Variants in WDR20 observed in about 807,000 individuals in gnomAD.
WDR20 encodes the protein WD repeat domain 20.
WDR20 carries 3 observed loss-of-function variants against 38.7 expected under a neutral mutation model. That is an observed-to-expected ratio of 0.08 (90% CI 0.04 to 0.20). WDR20 has a LOEUF of 0.20. Ranked by LOEUF, WDR20 falls within the 10% of genes least tolerant of loss-of-function variation. The pLI, the probability that WDR20 is intolerant of heterozygous loss-of-function variation, is 1.00. For missense variants in WDR20, 559 were observed against 727.7 expected, an observed-to-expected ratio of 0.77 and a Z score of 2.67; for synonymous variants, 298 against 285.6, an observed-to-expected ratio of 1.04 and a Z score of -0.44.
At chr14:102,158,049 A>G (rs2057828126) in intron 1 of WDR20, among the ~76,000 whole-genome samples, 1 of 151,842 alleles carries the variant, frequency 6.6e-6, no homozygotes, top group Admixed American at 6.6e-5. Flanking sequence ...CCTCACTGCC[A>G]CTGTCTCAAG....
intron 1 of WDR20, among the ~76,000 whole-genome samples, chr14:102,180,259 T>C (rs2063110578): frequency 6.6e-6 from 1 of 152,244 alleles, no homozygotes. Flanking sequence ...ACGCTGCCTG[T>C]AGCAGGGTCA....
At chr14:102,205,361 A>G (rs2061342907) in intron 2 of WDR20, among the ~76,000 whole-genome samples, 1 of 152,214 alleles carries the variant, frequency 6.6e-6, no homozygotes, top group African/African-American at 2.4e-5. Context: ...GCGTATTCAT[A>G]TTTGCCTTGT....
At chr14:102,204,192 CT>C (rs1194924797) in intron 2 of WDR20, among the ~76,000 whole-genome samples, 1 of 152,118 alleles carries the variant, frequency 6.6e-6, no homozygotes, top group Admixed American at 6.5e-5. Context: ...GTCTGTTCCC[CT>C]GGCACTGGTT....
At chr14:102,216,311 C>T (rs542702457), downstream of WDR20, among the ~76,000 whole-genome samples, 2 of 152,284 alleles carry the variant, frequency 1.3e-5, no homozygotes, top group South Asian at 4.1e-4. Flanking sequence ...CTGAACAGGG[C>T]GTTTTGGTTT....
At chr14:102,175,049 T>G (rs1367955865) in intron 1 of WDR20, among the ~76,000 whole-genome samples, 3 of 152,178 alleles carry the variant, frequency 2.0e-5, no homozygotes, top group African/African-American at 7.2e-5. Flanking sequence ...TGTGCAGAAG[T>G]TTTTTCATTT....
chr14:102,162,479 A>ATT (rs1247955969), intron 1 of WDR20, among the ~76,000 whole-genome samples: 1 of 152,184 alleles, frequency 6.6e-6, no homozygotes, highest in African/African-American at 2.4e-5. Context: ...CATTATGTTC[A>ATT]TTTTTAAGTT....
rs547744973 is a variant in WDR20, at chr14:102,206,700, T to C, written c.433-1903T>C. ...TAGGCCTGCCTGACAAGGCCAGTGATGGAGCGAGCTGCAGACACCCTTAGG... is the reference window on the plus strand; with the variant it reads ...TAGGCCTGCCTGACAAGGCCAGTGACGGAGCGAGCTGCAGACACCCTTAGG... On this transcript the variant is annotated intron_variant, in intron 2 of 2. Transcript: ENST00000342702. Among the ~76,000 whole-genome samples the C allele has an allele frequency of 3.3e-5, 5 of 152,328 alleles. No homozygotes were observed. The East Asian group carries it at 9.6e-4, about 29-fold the overall frequency.
At chr14:102,163,621 C>CT (rs1459281480) in intron 1 of WDR20, among the ~76,000 whole-genome samples, 1 of 31,920 alleles carries the variant, frequency 3.1e-5, no homozygotes, top group Non-Finnish European at 4.7e-5. Flanking sequence ...GAGCAAGACT[C>CT]TGTCTCAAAA....
At chr14:102,193,668 C>T (rs1188754581) in intron 1 of WDR20, among the ~76,000 whole-genome samples, 1 of 152,190 alleles carries the variant, frequency 6.6e-6, no homozygotes, top group Non-Finnish European at 1.5e-5. Context: ...CTCTTTTCTA[C>T]TCATTACTTA....
At chr14:102,139,724 C>A, upstream of WDR20, 1 of 805,932 alleles carries the variant, frequency 1.2e-6, no homozygotes, top group Non-Finnish European at 1.9e-6. Flanking sequence ...GGGTGGAGCA[C>A]GCCAGGTGAG....
intron 1 of WDR20, among the ~76,000 whole-genome samples, chr14:102,146,833 T>A (rs2053827082): frequency 6.6e-6 from 1 of 152,172 alleles, no homozygotes; most frequent in African/African-American, 2.4e-5. Context: ...CTTTTATAAT[T>A]TAGAAAGAGG....
At chr14:102,177,708 G>C (rs1034640137) in intron 1 of WDR20, among the ~76,000 whole-genome samples, 5 of 152,282 alleles carry the variant, frequency 3.3e-5, no homozygotes, top group Admixed American at 2.6e-4. Context: ...AAGGAAAGGG[G>C]TGGTCTGGAA....
In WDR20 at chr14:102,208,923, A is replaced by G. The variant is rs1425468102; in HGVS notation, c.753A>G (p.Ser251=). 1 of 1,614,224 alleles carries G rather than the reference A, an allele frequency of 6.2e-7. No homozygotes were observed. ...TTCTGCGGGTGTTCAACTTTGACTCAGTGGAGCTGCACGGTACGATGAAAA... is the reference window on the plus strand; with the variant it reads ...TTCTGCGGGTGTTCAACTTTGACTCGGTGGAGCTGCACGGTACGATGAAAA... The part of the protein sequence containing the change: ...DGFLRVFNFD[S]VELHGTMKSY... Residue 251 remains serine (S), a synonymous_variant, in exon 3 of 3, where the codon TCA becomes TCG. Transcript: ENST00000342702. This position sits in a 1 kb window ranked among gnomAD's most constrained non-coding sequence, Gnocchi z 5.6.
downstream of WDR20, among the ~76,000 whole-genome samples, chr14:102,216,755 C>A (rs1231685992): frequency 6.6e-6 from 1 of 152,096 alleles, no homozygotes; most frequent in Non-Finnish European, 1.5e-5. Flanking sequence ...CATGGCAAAC[C>A]CCCATCTGTA....
chr14:102,220,796 A>G lies in WDR20; in HGVS notation c.1693-2034A>G, dbSNP rs1228214344. 6.6e-6 allele frequency among the ~76,000 whole-genome samples: 1 copy of G among 151,888 alleles called. No individual in the cohort carries two copies. Among genetic ancestry groups the G allele is most frequent in the Non-Finnish European group, 1.5e-5 (1 of 67,956 alleles). ...TATCTATCTTTTCATTTTTTGAGACAGGGTCTTGCTCTATCCCCCAGGCTG... is the reference window on the plus strand; with the variant it reads ...TATCTATCTTTTCATTTTTTGAGACGGGGTCTTGCTCTATCCCCCAGGCTG... On this transcript the variant is annotated intron_variant, in intron 3 of 3. Coordinates refer to the WDR20 transcript ENST00000335263. The surrounding 1 kb of genome is among the most constrained non-coding windows in gnomAD (Gnocchi z 4.2).
chr14:102,139,641 G>A, upstream of WDR20: 1 of 643,830 alleles, frequency 1.6e-6, no homozygotes. Context: ...ACTAGCTGAA[G>A]CCGGCATCAC....
At chr14:102,224,716 T>A (rs114366241), downstream of WDR20, 882 of 456,054 alleles carry the variant, frequency 1.9e-3, 7 homozygotes, top group African/African-American at 0.015. Flanking sequence ...TAGTTACAGC[T>A]TGAGTTCTCA....
intron 1 of WDR20, among the ~76,000 whole-genome samples, chr14:102,191,556 C>T (rs2066433694): frequency 6.6e-6 from 1 of 152,204 alleles, no homozygotes; most frequent in African/African-American, 2.4e-5. Context: ...CCTGGCCTTT[C>T]TCTATCTGGG....
chr14:102,172,932 G>T (rs1024909886), intron 1 of WDR20, among the ~76,000 whole-genome samples: 4 of 149,916 alleles, frequency 2.7e-5, no homozygotes, highest in Non-Finnish European at 6.0e-5. Context: ...CCTCCCAGAC[G>T]GGGTCGCGAC....
Sources: gnomAD v4.1 joint callset for allele counts (sites outside exome capture counted in the v4.1 genomes callset) on GRCh38, gnomAD v4.1.1 for gene constraint, Gnocchi (gnomAD v3.1) non-coding constraint, MANE v1.5 for transcripts, NCBI Gene and HGNC (gene_info 2026-07-23, HGNC 2026-07-21) for gene names.